SYN3: variants seen among roughly 807,000 people sequenced by gnomAD.
The protein encoded by SYN3 is synapsin-3.
Under a neutral mutation model 65.8 loss-of-function variants are expected in SYN3, and 35 were observed. The observed-to-expected ratio is 0.53, with a 90% CI of 0.41 to 0.70. The LOEUF (loss-of-function observed/expected upper bound fraction) is 0.70, where lower values mean the gene tolerates loss of function less well. Ranked by LOEUF, SYN3 falls within the 30% of genes least tolerant of loss-of-function variation. The probability of loss-of-function intolerance (pLI) is 0.00; values close to 1 mark genes in which losing one functional copy is unlikely to be tolerated. For missense variants in SYN3, 680 were observed against 749.0 expected, an observed-to-expected ratio of 0.91 and a Z score of 1.08; for synonymous variants, 270 against 292.9, an observed-to-expected ratio of 0.92 and a Z score of 0.80.
chr22:33,000,274 C>G (rs773809848), intron 2 of SYN3, among the ~76,000 whole-genome samples: 1 of 152,136 alleles, frequency 6.6e-6, no homozygotes, highest in East Asian at 1.9e-4. Flanking sequence ...CAGACCTATC[C>G]GGAGCCAGGC....
At chr22:32,600,890 T>C (rs1652310367) in intron 6 of SYN3, among the ~76,000 whole-genome samples, 1 of 152,158 alleles carries the variant, frequency 6.6e-6, no homozygotes, top group South Asian at 2.1e-4. Context: ...TTTCACTATG[T>C]TGGCCAGGCT....
At chr22:32,689,628 C>T (rs748766525) in intron 6 of SYN3, among the ~76,000 whole-genome samples, 9 of 152,034 alleles carry the variant, frequency 5.9e-5, no homozygotes, top group Admixed American at 1.3e-4. Flanking sequence ...TATTGGGCAC[C>T]GAGTGTTCTT....
At chr22:32,814,133 TGTGTGTGTGAGAGA>T (rs761543282) in intron 6 of SYN3, among the ~76,000 whole-genome samples, 8 of 75,622 alleles carry the variant, frequency 1.1e-4, no homozygotes, top group East Asian at 4.3e-4. Context: ...TGTGTGTGTG[TGTGTGTGTGAGAGA>T]GAGAGAGAGA....
intron 4 of SYN3, among the ~76,000 whole-genome samples, chr22:32,915,174 T>A (rs908868677): frequency 6.6e-6 from 1 of 152,172 alleles, no homozygotes; most frequent in South Asian, 2.1e-4. Context: ...CTAATGTAGA[T>A]GATGGGTTGA....
rs1332251770 is a variant in SYN3 at position 32,509,608 on chromosome 22, G to A, written c.*4084C>T. On this transcript the variant is annotated 3_prime_UTR_variant, in exon 14 of 14. Transcript: ENST00000358763. Reference sequence around the variant, plus strand: ...TTTTGAGACAGAGTCTCACTCTGTTGCCCAGGCTGGAGTGCAGTGGTGCGA... The same window carrying A: ...TTTTGAGACAGAGTCTCACTCTGTTACCCAGGCTGGAGTGCAGTGGTGCGA... Among the ~76,000 whole-genome samples the A allele has an allele frequency of 8.6e-5, 13 of 152,018 alleles. No homozygotes were observed. Among genetic ancestry groups the A allele is most frequent in the East Asian group, 1.9e-4 (1 of 5,162 alleles).
At chr22:32,836,967 G>T (rs1406962731) in intron 6 of SYN3, among the ~76,000 whole-genome samples, 1 of 152,224 alleles carries the variant, frequency 6.6e-6, no homozygotes, top group African/African-American at 2.4e-5. Flanking sequence ...TTTGCTGTCT[G>T]CAAAGGCTGC....
chr22:32,759,245 A>G (rs1423267364), intron 6 of SYN3, among the ~76,000 whole-genome samples: 2 of 152,152 alleles, frequency 1.3e-5, no homozygotes, highest in African/African-American at 2.4e-5. Flanking sequence ...TATTCATGAC[A>G]TGAAATTATT....
intron 1 of SYN3, among the ~76,000 whole-genome samples, chr22:33,029,902 C>A (rs187464810): frequency 2.4e-4 from 37 of 152,306 alleles, no homozygotes; most frequent in Middle Eastern, 3.4e-3. Flanking sequence ...ATTCCCCACG[C>A]CCTGACCCTC....
At chr22:32,856,206 G>A (rs1481269860) in intron 6 of SYN3, among the ~76,000 whole-genome samples, 1 of 152,132 alleles carries the variant, frequency 6.6e-6, no homozygotes, top group Non-Finnish European at 1.5e-5. Context: ...CAGGTCCTAA[G>A]GTTGACAAAG....
At position 32,761,081 on chromosome 22, in the gene SYN3, C is replaced by T. The variant is rs112724875; in HGVS notation, c.711+103834G>A. On this transcript the variant is annotated intron_variant, in intron 6 of 13. Transcript: ENST00000358763. The stretch of plus-strand genomic sequence containing the variant: ...TCTAGAGGACAGCAGCTGCTGCCAG[C>T]CTCTGAGGGCTGGGAGGTGGAGAGT... 2.2e-3 allele frequency among the ~76,000 whole-genome samples: 338 copies of T among 152,284 alleles called. 1 individual carries two copies. Among genetic ancestry groups the T allele is most frequent in the African/African-American group, 7.9e-3 (327 of 41,566 alleles).
At chr22:32,818,055 T>C (rs1018992043) in intron 6 of SYN3, among the ~76,000 whole-genome samples, 1 of 152,218 alleles carries the variant, frequency 6.6e-6, no homozygotes, top group East Asian at 1.9e-4. Context: ...ATTAGAACAC[T>C]TGCCCTAGAG....
At chr22:32,726,063 G>A (rs1349541044) in intron 6 of SYN3, among the ~76,000 whole-genome samples, 1 of 152,152 alleles carries the variant, frequency 6.6e-6, no homozygotes, top group African/African-American at 2.4e-5. Context: ...TATGTAAGGT[G>A]TGCCATGTGA....
intron 6 of SYN3, among the ~76,000 whole-genome samples, chr22:32,695,168 G>C (rs1221463217): frequency 6.6e-6 from 1 of 152,008 alleles, no homozygotes; most frequent in Non-Finnish European, 1.5e-5. Flanking sequence ...GGAATGTCCA[G>C]CATGCATATT....
intron 13 of SYN3, among the ~76,000 whole-genome samples, chr22:32,515,887 C>T (rs1310984770): frequency 1.3e-5 from 2 of 152,104 alleles, no homozygotes; most frequent in Non-Finnish European, 2.9e-5. Flanking sequence ...CAAGCTCCGC[C>T]TCCTGGGTTC....
chr22:32,794,573 T>C (rs538951209), intron 6 of SYN3, among the ~76,000 whole-genome samples: 33 of 152,306 alleles, frequency 2.2e-4, no homozygotes, highest in African/African-American at 7.7e-4. Context: ...TTGTTCAATG[T>C]CTACTATGTG....
chr22:32,686,841 T>C (rs1231232501), intron 6 of SYN3, among the ~76,000 whole-genome samples: 1 of 151,930 alleles, frequency 6.6e-6, no homozygotes, highest in African/African-American at 2.4e-5. Context: ...GTGATCCGCC[T>C]GCCTCAGGAT....
At chr22:32,740,478 A>G (rs917018890) in intron 6 of SYN3, among the ~76,000 whole-genome samples, 4 of 152,174 alleles carry the variant, frequency 2.6e-5, no homozygotes, top group East Asian at 3.9e-4. Context: ...GAGATTGCCA[A>G]TCAGAGAAGG....
chr22:32,613,145 T>A (rs2059469573), intron 6 of SYN3, among the ~76,000 whole-genome samples: 1 of 152,132 alleles, frequency 6.6e-6, no homozygotes, highest in African/African-American at 2.4e-5. Context: ...ATGCCTCCTG[T>A]ACAGCCTGTG....
intron 7 of SYN3, among the ~76,000 whole-genome samples, chr22:32,565,089 C>G (rs1200695587): frequency 6.6e-6 from 1 of 151,350 alleles, no homozygotes; most frequent in Non-Finnish European, 1.5e-5. Flanking sequence ...TGTACACAAA[C>G]AGTGCTCCCG....
Sources: gnomAD v4.1 joint callset for allele counts (sites outside exome capture counted in the v4.1 genomes callset) on GRCh38, gnomAD v4.1.1 for gene constraint, MANE v1.5 for transcripts, NCBI Gene and HGNC (gene_info 2026-07-23, HGNC 2026-07-21) for gene names.